Variants in NETO1 observed in about 807,000 individuals in gnomAD.
The protein encoded by NETO1 is neuropilin and tolloid-like protein 1.
Under a neutral mutation model 61.3 loss-of-function variants are expected in NETO1, and 26 were observed. The observed-to-expected ratio is 0.42, with a 90% confidence interval of 0.31 to 0.59. The LOEUF (loss-of-function observed/expected upper bound fraction) is 0.59, where lower values mean the gene tolerates loss of function less well. Among genes scored for constraint, NETO1 ranks in the 20% least tolerant of loss-of-function variants. The pLI, the probability that NETO1 is intolerant of heterozygous loss-of-function variation, is 0.12. For synonymous variants in NETO1, 225 were observed against 225.8 expected (o/e 1.00, Z 0.03); for missense variants, 531 against 662.8 (o/e 0.80, Z 2.18).
In NETO1 at chr18:72,746,380, C is replaced by T. The variant is rs2070432280; in HGVS notation, c.*1799G>A. 6.6e-6 allele frequency among the ~76,000 whole-genome samples: 1 copy of T among 151,962 alleles called. No homozygotes were observed. The highest frequency in any genetic ancestry group is 2.1e-4 in the South Asian group (1 of 4,822). ...CAGTCAAGCCAAATAAAAAAGGGTACATTTTATCATAAGCAATGTGTATAA... is the reference window on the plus strand; with the variant it reads ...CAGTCAAGCCAAATAAAAAAGGGTATATTTTATCATAAGCAATGTGTATAA... On this transcript the variant is annotated 3_prime_UTR_variant, in exon 11 of 11. Coordinates refer to ENST00000327305, the MANE Select transcript of NETO1 (RefSeq NM_138966.5).
chr18:72,816,530 G>A (rs974443185), intron 4 of NETO1, among the ~76,000 whole-genome samples: 2 of 152,192 alleles, frequency 1.3e-5, no homozygotes, highest in African/African-American at 4.8e-5. Flanking sequence ...GCGGGGGAAA[G>A]GGAGGAAGGG....
In NETO1 at chr18:72,818,530, G is replaced by A. The variant is rs1016938643; in HGVS notation, c.470-24126C>T. On this transcript the variant is annotated intron_variant, in intron 4 of 10. Transcript: ENST00000327305. ...CTTCTTCCTCGAAATTTTCATATGTGATTTCATTTTTAGAAAAAAATATTC... is the reference window on the plus strand; with the variant it reads ...CTTCTTCCTCGAAATTTTCATATGTAATTTCATTTTTAGAAAAAAATATTC... 2.6e-5 allele frequency among the ~76,000 whole-genome samples: 4 copies of A among 152,084 alleles called. No homozygotes were observed. In the East Asian group the frequency reaches 5.8e-4, roughly 22 times the overall value.
intron 4 of NETO1, among the ~76,000 whole-genome samples, chr18:72,857,924 CTGAG>C (rs1225889653): frequency 1.4e-4 from 21 of 152,048 alleles, no homozygotes; most frequent in Non-Finnish European, 2.4e-4. Flanking sequence ...AGTTTTTTAA[CTGAG>C]TATCAAAGCT....
chr18:72,818,196 T>C lies in NETO1; in HGVS notation c.470-23792A>G, dbSNP rs945368926. On this transcript the variant is annotated intron_variant, in intron 4 of 10. Coordinates refer to ENST00000327305, the MANE Select transcript of NETO1 (RefSeq NM_138966.5). ...TTACACATAGAGTGATAATTGTAAA[T>C]TTGCAAGTGTACTAAATAAAATGAA... is the stretch of plus-strand genomic sequence containing the variant. 3.3e-5 allele frequency among the ~76,000 whole-genome samples: 5 copies of C among 152,182 alleles called. No homozygotes were observed. The South Asian group carries it at 8.3e-4, about 25-fold the overall frequency.
At chr18:72,764,452 T>G (rs932503311) in intron 7 of NETO1, among the ~76,000 whole-genome samples, 1 of 152,162 alleles carries the variant, frequency 6.6e-6, no homozygotes, top group African/African-American at 2.4e-5. Flanking sequence ...CTAAGGTGAT[T>G]TTCCCCCTGC....
At chr18:72,752,997 C>T (rs1253478017) in intron 8 of NETO1, among the ~76,000 whole-genome samples, 5 of 151,654 alleles carry the variant, frequency 3.3e-5, no homozygotes, top group African/African-American at 1.2e-4. Context: ...AGAACAATAA[C>T]AGAGCCTCAG....
chr18:72,808,596 ATTAT>A (rs2072759897), intron 4 of NETO1, among the ~76,000 whole-genome samples: 1 of 152,190 alleles, frequency 6.6e-6, no homozygotes, highest in African/African-American at 2.4e-5. Context: ...CTTTCTCAAA[ATTAT>A]TTAAAGATGT....
chr18:72,857,678 C>T (rs2074447597), intron 4 of NETO1, among the ~76,000 whole-genome samples: 2 of 152,112 alleles, frequency 1.3e-5, no homozygotes, highest in Admixed American at 6.5e-5. Flanking sequence ...ACATTTGTAC[C>T]TTTTGGGAAT....
At chr18:72,773,605 G>A (rs996117436) in intron 7 of NETO1, among the ~76,000 whole-genome samples, 5 of 152,212 alleles carry the variant, frequency 3.3e-5, no homozygotes, top group African/African-American at 1.2e-4. Flanking sequence ...CTGTTCTCAC[G>A]ATAGTGAGTG....
chr18:72,850,404 A>C (rs1430507264), intron 4 of NETO1, among the ~76,000 whole-genome samples: 1 of 152,222 alleles, frequency 6.6e-6, no homozygotes, highest in Non-Finnish European at 1.5e-5. Context: ...TATAATAGGA[A>C]AAATGTTTTG....
chr18:72,790,974 T>C (rs1465731537), intron 6 of NETO1, among the ~76,000 whole-genome samples: 2 of 152,068 alleles, frequency 1.3e-5, no homozygotes, highest in African/African-American at 4.8e-5. Context: ...GATTATGAAT[T>C]AGACCCCAGA....
chr18:72,834,157 A>G (rs571236405), intron 4 of NETO1: 1 of 749,056 alleles, frequency 1.3e-6, no homozygotes, highest in South Asian at 6.1e-5. Flanking sequence ...TTTTTGTTTA[A>G]AAAACATTTT....
chr18:72,860,648 A>C (rs2074542858), intron 3 of NETO1, among the ~76,000 whole-genome samples: 1 of 152,232 alleles, frequency 6.6e-6, no homozygotes, highest in South Asian at 2.1e-4. Context: ...AAAATATTTT[A>C]TCTATCACTA....
intron 3 of NETO1, 136 bp from the exon 4 acceptor site, chr18:72,859,210 G>A: frequency 1.2e-6 from 1 of 858,360 alleles, no homozygotes; most frequent in Non-Finnish European, 1.7e-6. Context: ...TATAAAGAAA[G>A]CATATGATAC....
chr18:72,858,991 C>T lies in NETO1; in HGVS notation c.304G>A (p.Glu102Lys). 6.2e-7 allele frequency: 1 copy of T among 1,613,794 alleles called. No individual in the cohort carries two copies. ...PSWECKFDHI[E>K]VRDGPFGFSP... ...AAGCCAAAAGGTCCATCTCGAACTT[C>T]AATATGATCAAATTTGCACTCCCAA... Residue 102 changes from glutamate to lysine, a missense_variant, in exon 4 of 11, where the codon GAA becomes AAA. Transcript: ENST00000327305.
rs562351159 is a variant in NETO1 at position 72,840,607 on chromosome 18, A to C, written c.469+18219T>G. On this transcript the variant is annotated intron_variant, in intron 4 of 10. Coordinates refer to ENST00000327305, the MANE Select transcript of NETO1 (RefSeq NM_138966.5). ...ATCATGCATTATATAACCCAACAGG[A>C]AATTTGAATTTGCTCCAACAGGAAA... Among the ~76,000 whole-genome samples the C allele has an allele frequency of 2.0e-5, 3 of 151,538 alleles. No individual in the cohort carries two copies. In the East Asian group the frequency reaches 5.9e-4, roughly 30 times the overall value.
chr18:72,810,647 G>C (rs986961918), intron 4 of NETO1, among the ~76,000 whole-genome samples: 2 of 152,130 alleles, frequency 1.3e-5, no homozygotes, highest in South Asian at 2.1e-4. Context: ...CTCTGAAATG[G>C]TGCACTTGCT....
chr18:72,794,425 C>T, intron 4 of NETO1, 21 bp from the exon 5 acceptor site: 1 of 1,599,410 alleles, frequency 6.3e-7, no homozygotes, highest in Non-Finnish European at 8.5e-7. Context: ...GAGAAAAAGA[C>T]AATTAGTCCC....
At chr18:72,836,956 T>C (rs1011016603) in intron 4 of NETO1, among the ~76,000 whole-genome samples, 1 of 152,040 alleles carries the variant, frequency 6.6e-6, no homozygotes, top group Non-Finnish European at 1.5e-5. Flanking sequence ...GAAAAGCACA[T>C]GAGAAGTTTT....
Sources: gnomAD v4.1 joint callset for allele counts (sites outside exome capture counted in the v4.1 genomes callset) on GRCh38, gnomAD v4.1.1 for gene constraint, MANE v1.5 for transcripts, NCBI Gene and HGNC (gene_info 2026-07-23, HGNC 2026-07-21) for gene names.